MTMR12: variants seen among roughly 807,000 people sequenced by gnomAD.
The protein encoded by MTMR12 is myotubularin-related protein 12.
A neutral mutation model predicts 96.7 loss-of-function variants in MTMR12; 33 were observed. That is an observed-to-expected ratio of 0.34 (90% CI 0.26 to 0.46). The LOEUF (loss-of-function observed/expected upper bound fraction) is 0.46, where lower values mean the gene tolerates loss of function less well. Ranked by LOEUF, MTMR12 falls within the 20% of genes least tolerant of loss-of-function variation. MTMR12 has a pLI of 1.00. For synonymous variants in MTMR12, 298 were observed against 327.2 expected (o/e 0.91, Z 0.96); for missense variants, 721 against 896.1 (o/e 0.80, Z 2.49).
chr5:32,300,046 G>A lies in MTMR12; in HGVS notation c.81+12712C>T, dbSNP rs975571262. On this transcript the variant is annotated intron_variant, in intron 1 of 15. Coordinates refer to ENST00000382142, the MANE Select transcript of MTMR12 (RefSeq NM_001040446.3). ...GCCTCCCTCATAAGTAGGCAGCTCC[G>A]ACCTCTGTGCAGAGAACTCTGGTGA... Among the ~76,000 whole-genome samples, 7 of 152,126 alleles carry A rather than the reference G, an allele frequency of 4.6e-5. No individual in the cohort carries two copies. The East Asian group carries it at 5.8e-4, about 13-fold the overall frequency.
intron 8 of MTMR12, among the ~76,000 whole-genome samples, chr5:32,253,575 G>C (rs940210342): frequency 6.6e-6 from 1 of 152,128 alleles, no homozygotes. Flanking sequence ...CTTTTGGGAC[G>C]TATAAATATG....
chr5:32,298,183 T>G (rs888156435), intron 1 of MTMR12, among the ~76,000 whole-genome samples: 1 of 151,736 alleles, frequency 6.6e-6, no homozygotes, highest in African/African-American at 2.4e-5. Flanking sequence ...CGGGGAGCAG[T>G]GGGAAGTGGA....
Position 32,248,040 on chromosome 5 carries a change from T to A in MTMR12, c.983A>T (p.Gln328Leu), listed in dbSNP as rs1401002383. Residue 328 changes from glutamine to leucine, a missense_variant, in exon 10 of 16, where the codon CAG (glutamine) becomes CTG (leucine). Physicochemically the swap from Gln to Leu is moderately radical, Grantham distance 113 (BLOSUM62 -2). Coordinates refer to ENST00000382142, the MANE Select transcript of MTMR12 (RefSeq NM_001040446.3). The stretch of plus-strand genomic sequence containing the variant: ...CTGTTTAAATTTAGAGTATGCAGTC[T>A]GGATTTCCTGCAGGGACAGGAAGTT... ...SSNFLSLQEI[Q>L]TAYSKFKQLF... 6.2e-7 allele frequency: 1 copy of A among 1,614,124 alleles called. No homozygotes were observed. The highest frequency in any genetic ancestry group is 8.5e-7 in the Non-Finnish European group (1 of 1,179,940).
chr5:32,252,833 A>G (rs1748991920), intron 8 of MTMR12, among the ~76,000 whole-genome samples: 1 of 152,130 alleles, frequency 6.6e-6, no homozygotes, highest in African/African-American at 2.4e-5. Context: ...TGATGTTCTT[A>G]TCTCTTAACA....
rs376003001 is a variant in MTMR12 at position 32,258,831 on chromosome 5, T to C, written c.714-3063A>G. Among the ~76,000 whole-genome samples, 4 of 148,240 alleles carry C rather than the reference T, an allele frequency of 2.7e-5. No individual in the cohort carries two copies. In the Admixed American group the frequency reaches 2.7e-4, roughly 10 times the overall value. On this transcript the variant is annotated intron_variant, in intron 7 of 15. Transcript: ENST00000382142. ...ATGGTTTTAAAAAATTTCCATGTCT[T>C]CCCCAACTAGTGAGGTTGAATATTT...
Position 32,228,693 on chromosome 5 carries a change from A to T in MTMR12, c.*1085T>A, listed in dbSNP as rs1747869238. 1 of 149,948 alleles carries T rather than the reference A, an allele frequency of 6.7e-6. No homozygotes were observed. Among genetic ancestry groups the T allele is most frequent in the Non-Finnish European group, 1.5e-5 (1 of 67,668 alleles). 9.3% of individuals were successfully genotyped at this position (149,948 alleles called of 1,614,324 possible). ...CCAAGAAGGTGACCAGGCATAGTCA[A>T]GTTTCTTCTATGGCTTTTAAAATCA... is the stretch of plus-strand genomic sequence containing the variant. On this transcript the variant is annotated 3_prime_UTR_variant, in exon 16 of 16. Coordinates refer to ENST00000382142, the MANE Select transcript of MTMR12 (RefSeq NM_001040446.3).
chr5:32,267,233 G>A lies in MTMR12; in HGVS notation c.583+1468C>T, dbSNP rs368382847. ...TCTACTAAAAATACAAAAATTAGCC[G>A]GGCGTGGTGGTGTGTGCTTGTAATC... On this transcript the variant is annotated intron_variant, in intron 6 of 15. Coordinates refer to ENST00000382142, the MANE Select transcript of MTMR12 (RefSeq NM_001040446.3). Among the ~76,000 whole-genome samples the A allele has an allele frequency of 4.5e-4, 68 of 152,052 alleles. No individual in the cohort carries two copies. In the East Asian group the frequency reaches 8.3e-3, roughly 19 times the overall value.
At chr5:32,238,300 G>C (rs1278767977) in intron 13 of MTMR12, among the ~76,000 whole-genome samples, 2 of 152,082 alleles carry the variant, frequency 1.3e-5, no homozygotes, top group Non-Finnish European at 2.9e-5. Flanking sequence ...GACCTCCCAG[G>C]CTCAAGCAAT....
intron 1 of MTMR12, chr5:32,296,351 T>A (rs1750923034): frequency 5.7e-6 from 1 of 176,584 alleles, no homozygotes; most frequent in African/African-American, 2.4e-5. Context: ...ATGTTGTGTG[T>A]ACCTGTAGTC....
chr5:32,277,588 A>G (rs1052486423), intron 1 of MTMR12, among the ~76,000 whole-genome samples: 1 of 152,144 alleles, frequency 6.6e-6, no homozygotes, highest in Non-Finnish European at 1.5e-5. Context: ...AATCCCAGCT[A>G]CTTGGGAGGC....
intron 10 of MTMR12, among the ~76,000 whole-genome samples, chr5:32,244,362 G>T (rs1275946855): frequency 6.6e-6 from 1 of 152,034 alleles, no homozygotes; most frequent in Non-Finnish European, 1.5e-5. Context: ...GGCGGAGGTG[G>T]GCGCGTCACC....
chr5:32,270,578 C>G (rs958368653), intron 5 of MTMR12, among the ~76,000 whole-genome samples: 1 of 152,198 alleles, frequency 6.6e-6, no homozygotes, highest in Non-Finnish European at 1.5e-5. Context: ...CATTTAGTGG[C>G]TCCAGGAATA....
At chr5:32,231,400 A>AG (rs1475355461) in intron 15 of MTMR12, among the ~76,000 whole-genome samples, 1 of 149,774 alleles carries the variant, frequency 6.7e-6, no homozygotes, top group African/African-American at 2.5e-5. Context: ...AAAAAAAAAA[A>AG]GGGTTGTAAA....
At chr5:32,280,756 CTGAG>C (rs1050658116) in intron 1 of MTMR12, among the ~76,000 whole-genome samples, 9 of 152,130 alleles carry the variant, frequency 5.9e-5, no homozygotes, top group African/African-American at 1.2e-4. Context: ...TTTAAACTGA[CTGAG>C]TGTCAGTTTC....
At chr5:32,296,492 G>GA (rs1362574822) in intron 1 of MTMR12, 127 of 364,192 alleles carry the variant, frequency 3.5e-4, no homozygotes, top group Non-Finnish European at 5.8e-4. Context: ...AAAAAGAAAC[G>GA]AGAAAAAAAA....
At chr5:32,307,038 A>G (rs1751390494) in intron 1 of MTMR12, among the ~76,000 whole-genome samples, 1 of 152,230 alleles carries the variant, frequency 6.6e-6, no homozygotes. Flanking sequence ...AAAGATGTTT[A>G]CAATATACAT....
Position 32,229,849 on chromosome 5 carries a change from A to G in MTMR12, c.2173T>C (p.Trp725Arg), listed in dbSNP as rs780437133. Residue 725 changes from tryptophan (W) to arginine (R), a missense_variant, in exon 16 of 16, where the codon TGG becomes CGG. By Grantham distance (101) the Trp-to-Arg change is moderately radical (BLOSUM62 -3). Coordinates refer to ENST00000382142, the MANE Select transcript of MTMR12 (RefSeq NM_001040446.3). The stretch of plus-strand genomic sequence containing the variant: ...TCGTCTTCATCTCCCAAAGCTTTCC[A>G]GCCACTGGTGGGTAAGACGGGCTTA... Reference protein sequence around the residue: ...SSKPVLPTSGWKALGDEDDLA... With the variant: ...SSKPVLPTSGRKALGDEDDLA... 4.4e-6 allele frequency: 7 copies of G among 1,600,494 alleles called. No individual in the cohort carries two copies. The highest frequency in any genetic ancestry group is 6.0e-6 in the Non-Finnish European group (7 of 1,173,774).
intron 15 of MTMR12, among the ~76,000 whole-genome samples, chr5:32,232,696 T>C (rs1362471180): frequency 6.6e-6 from 1 of 152,190 alleles, no homozygotes; most frequent in African/African-American, 2.4e-5. Flanking sequence ...CTCAGGGCAA[T>C]TCTGGTTAAA....
intron 10 of MTMR12, among the ~76,000 whole-genome samples, chr5:32,247,439 A>G (rs555517724): frequency 1.8e-4 from 28 of 152,328 alleles, no homozygotes; most frequent in African/African-American, 6.3e-4. Flanking sequence ...AAGAGAATCA[A>G]TGAGTGACTG....
Sources: gnomAD v4.1 joint callset for allele counts (sites outside exome capture counted in the v4.1 genomes callset) on GRCh38, gnomAD v4.1.1 for gene constraint, MANE v1.5 for transcripts, NCBI Gene and HGNC (gene_info 2026-07-23, HGNC 2026-07-21) for gene names.